The following VPS13B variants were observed in gnomAD, a reference collection of about 807,000 sequenced individuals.
VPS13B encodes the protein intermembrane lipid transfer protein VPS13B.
In VPS13B, 285 loss-of-function variants were observed where a neutral mutation model predicts 426.4. The ratio of observed to expected loss-of-function variants is 0.67; its 90% CI spans 0.61 to 0.74. The LOEUF is 0.74. VPS13B is among the 30% of genes least tolerant of loss of function. The pLI is 0.00. For synonymous variants in VPS13B, 1,676 were observed against 1,676.4 expected (o/e 1.00, Z 0.01); for missense variants, 4,537 against 4,782.6 (o/e 0.95, Z 1.51).
chr8:99,026,900 G>A (rs1054494101), intron 2 of VPS13B, among the ~76,000 whole-genome samples: 8 of 151,818 alleles, frequency 5.3e-5, no homozygotes, highest in African/African-American at 1.5e-4. Flanking sequence ...GCTCCGAGAC[G>A]GAGTCTCACT....
At chr8:99,062,711 A>T (rs1587983024) in intron 3 of VPS13B, among the ~76,000 whole-genome samples, 1 of 151,770 alleles carries the variant, frequency 6.6e-6, no homozygotes, top group Non-Finnish European at 1.5e-5. Context: ...CAGATGATCC[A>T]CCCGCCTTGT....
intron 42 of VPS13B, 69 bp from the exon 43 acceptor site, chr8:99,784,246 G>A (rs954544223): frequency 1.4e-5 from 22 of 1,603,870 alleles, no homozygotes; most frequent in Non-Finnish European, 1.8e-5. Flanking sequence ...ATCGCCACTG[G>A]GCAGACAGCT....
intron 36 of VPS13B, among the ~76,000 whole-genome samples, chr8:99,711,895 T>C (rs899609166): frequency 6.6e-6 from 1 of 152,154 alleles, no homozygotes; most frequent in Non-Finnish European, 1.5e-5. Flanking sequence ...AAATATCAAA[T>C]TGAAGGTGAC....
rs983008638 is a variant in VPS13B at position 99,442,464 on chromosome 8, G to T, written c.3274G>T (p.Val1092Leu). The T allele has an allele frequency of 6.2e-7, 1 of 1,613,778 alleles. No homozygotes were observed. The highest frequency in any genetic ancestry group is 8.5e-7 in the Non-Finnish European group (1 of 1,179,902). The change falls in exon 23 of 62, where the codon GTA becomes TTA. Residue 1092 changes from valine to leucine, a missense_variant. Val to Leu is a conservative substitution (Grantham distance 32). Around this residue, in one of 2 missense-constraint regions of VPS13B, gnomAD observed 4,311 missense variants for 4,474.3 expected, o/e 0.96. Coordinates refer to ENST00000357162, the MANE Select transcript of VPS13B (RefSeq NM_152564.5). ...TAGCCTGCCTTCCCCAAGTACAATT[G>T]TATCTGGTGACATTCCTGGAACAGT... ...NDSLPSPSTIVSGDIPGTVRS... is the reference protein window; with the variant it reads ...NDSLPSPSTILSGDIPGTVRS...
chr8:99,691,068 G>A (rs1831633023), intron 35 of VPS13B, among the ~76,000 whole-genome samples: 1 of 152,160 alleles, frequency 6.6e-6, no homozygotes, highest in Non-Finnish European at 1.5e-5. Context: ...CAACATGGAT[G>A]AACCTTGGAA....
intron 3 of VPS13B, among the ~76,000 whole-genome samples, chr8:99,075,403 T>C (rs755159499): frequency 3.3e-5 from 5 of 152,114 alleles, no homozygotes; most frequent in Non-Finnish European, 7.3e-5. Flanking sequence ...CCACACACTT[T>C]TAAAAACTCA....
intron 17 of VPS13B, among the ~76,000 whole-genome samples, chr8:99,256,364 TA>T (rs1817742716): frequency 6.6e-6 from 1 of 152,214 alleles, no homozygotes; most frequent in Admixed American, 6.5e-5. Flanking sequence ...TGAACACAGG[TA>T]TACAAATATC....
intron 2 of VPS13B, 79 bp downstream of exon 2, chr8:99,014,014 CT>C (rs1412069109): frequency 6.4e-7 from 1 of 1,553,288 alleles, no homozygotes; most frequent in African/African-American, 1.4e-5. Flanking sequence ...TAAGCTTTGA[CT>C]TTATGCTGTA....
chr8:99,281,848 A>T (rs1819190927), intron 19 of VPS13B, among the ~76,000 whole-genome samples: 1 of 152,262 alleles, frequency 6.6e-6, no homozygotes, highest in South Asian at 2.1e-4. Flanking sequence ...TGTTACCAAG[A>T]TTATGTTATT....
At chr8:99,532,806 A>ATAAATATT (rs1484620450) in intron 30 of VPS13B, among the ~76,000 whole-genome samples, 5 of 150,602 alleles carry the variant, frequency 3.3e-5, no homozygotes, top group Non-Finnish European at 7.4e-5. Context: ...TTTTAATAGC[A>ATAAATATT]TAAATATTTA....
rs1823297605 is a variant in VPS13B at position 99,537,227 on chromosome 8, A to G, written c.4745+16217A>G. On this transcript the variant is annotated intron_variant, in intron 30 of 61. Coordinates refer to ENST00000357162, the MANE Select transcript of VPS13B (RefSeq NM_152564.5). ...GCCTTTTTTGGAATAGTGCACTAAA[A>G]TCATTTGTACATTGTCCAAGTTAAA... Among the ~76,000 whole-genome samples the G allele has an allele frequency of 3.3e-5, 5 of 152,318 alleles. No individual in the cohort carries two copies. The South Asian group carries it at 1.0e-3, about 32-fold the overall frequency.
chr8:99,367,905 T>C (rs3103717), intron 19 of VPS13B, among the ~76,000 whole-genome samples: 125,625 of 152,086 alleles, frequency 0.83, 52,406 homozygotes, highest in South Asian at 0.89. Flanking sequence ...ACACCCACCT[T>C]GGCCTCCCAA....
intron 17 of VPS13B, among the ~76,000 whole-genome samples, chr8:99,209,303 A>T (rs569499842): frequency 2.8e-4 from 43 of 151,880 alleles, no homozygotes; most frequent in Non-Finnish European, 4.7e-4. Context: ...AAAACAAAAA[A>T]CAAAACCGAA....
At chr8:99,580,126 AACT>A (rs942547607) in intron 33 of VPS13B, among the ~76,000 whole-genome samples, 4 of 152,084 alleles carry the variant, frequency 2.6e-5, no homozygotes, top group African/African-American at 4.8e-5. Flanking sequence ...TATTATAAAC[AACT>A]ACTATTTCAT....
chr8:99,604,793 G>A (rs1417294122), intron 33 of VPS13B, among the ~76,000 whole-genome samples: 8 of 151,946 alleles, frequency 5.3e-5, no homozygotes, highest in South Asian at 4.1e-4. Flanking sequence ...TGAGCTTGAC[G>A]GTTTTTAGCA....
chr8:99,333,703 A>T (rs1810667223), intron 19 of VPS13B, among the ~76,000 whole-genome samples: 1 of 152,006 alleles, frequency 6.6e-6, no homozygotes, highest in East Asian at 1.9e-4. Context: ...AGTCTTAACC[A>T]CTGGCATCTA....
At chr8:99,705,712 T>A (rs1423337815) in intron 36 of VPS13B, among the ~76,000 whole-genome samples, 1 of 152,210 alleles carries the variant, frequency 6.6e-6, no homozygotes, top group African/African-American at 2.4e-5. Context: ...TGTGCATTTT[T>A]AAAATGTTGT....
In VPS13B at chr8:99,088,902, C is replaced by G. The variant is rs187895097; in HGVS notation, c.292-7410C>G. Among the ~76,000 whole-genome samples the G allele has an allele frequency of 8.9e-3, 1,348 of 152,244 alleles. 8 individuals carry two copies. The highest frequency in any genetic ancestry group is 0.014 in the Non-Finnish European group (956 of 68,006). On this transcript the variant is annotated intron_variant, in intron 3 of 61. Transcript: ENST00000357162. ...GTTACCTTGCCTTGTTCAACTTTTC[C>G]TTTTTCATTCCTGCAGGTACAGTCT...
chr8:99,750,781 T>C (rs1174639971), intron 39 of VPS13B, among the ~76,000 whole-genome samples: 2 of 152,094 alleles, frequency 1.3e-5, no homozygotes, highest in East Asian at 1.9e-4. Context: ...AAACCATACA[T>C]GGGGTGTTTT....
Sources: gnomAD v4.1 joint callset for allele counts (sites outside exome capture counted in the v4.1 genomes callset) on GRCh38, gnomAD v4.1.1 for gene constraint, gnomAD v4.1.1 regional missense constraint, MANE v1.5 for transcripts, NCBI Gene and HGNC (gene_info 2026-07-23, HGNC 2026-07-21) for gene names.